Variants in IKZF1 observed in about 807,000 individuals in gnomAD.
The protein encoded by IKZF1 is IKAROS family zinc finger 1.
A neutral mutation model predicts 51.7 loss-of-function variants in IKZF1; 10 were observed. The ratio of observed to expected loss-of-function variants is 0.19; its 90% CI spans 0.12 to 0.33. The LOEUF is 0.33. IKZF1 is among the 10% of genes least tolerant of loss of function. The probability of loss-of-function intolerance (pLI) is 1.00; values close to 1 mark genes in which losing one functional copy is unlikely to be tolerated. For missense variants in IKZF1, 484 were observed against 707.5 expected (o/e 0.68, Z 3.58); for synonymous variants, 280 against 282.3 (o/e 0.99, Z 0.08).
chr7:50,368,724 C>T (rs1232801459), intron 3 of IKZF1: 1 of 254,382 alleles, frequency 3.9e-6, no homozygotes, highest in Non-Finnish European at 7.6e-6. Context: ...CAAATGAGTA[C>T]TTTAAAGAAC....
intron 1 of IKZF1, among the ~76,000 whole-genome samples, chr7:50,315,800 C>G (rs1791406177): frequency 6.6e-6 from 1 of 152,156 alleles, no homozygotes; most frequent in African/African-American, 2.4e-5. Context: ...ATGTGAGCTC[C>G]TTTTAAATTG....
At chr7:50,338,737 G>A (rs1328872615) in intron 3 of IKZF1, among the ~76,000 whole-genome samples, 2 of 152,158 alleles carry the variant, frequency 1.3e-5, no homozygotes, top group East Asian at 3.8e-4. Context: ...GGGGGAGTGG[G>A]CCATGCCAGG....
intron 3 of IKZF1, among the ~76,000 whole-genome samples, chr7:50,339,490 G>A (rs1029149171): frequency 3.3e-5 from 5 of 152,156 alleles, no homozygotes; most frequent in South Asian, 4.1e-4. Context: ...GGTGGCTTAC[G>A]CCGTAATCCC....
rs1794765137 is a variant in IKZF1, at chr7:50,325,630, T to C, written c.41-2008T>C. On this transcript the variant is annotated intron_variant, in intron 2 of 7. Coordinates refer to ENST00000331340, the MANE Select transcript of IKZF1 (RefSeq NM_006060.6). ...CTACTAAAAAAATACAAAAATTTAG[T>C]TGGGCATGGTGGGGGATACCTGTGG... Among the ~76,000 whole-genome samples, 3 of 152,022 alleles carry C rather than the reference T, an allele frequency of 2.0e-5. No homozygotes were observed. In the South Asian group the frequency reaches 6.2e-4, roughly 32 times the overall value.
Position 50,368,823 on chromosome 7 carries a change from C to G in IKZF1, c.161-7710C>G, listed in dbSNP as rs181171246. The stretch of plus-strand genomic sequence containing the variant: ...CTTAGGACCTGTATTAGTAAATCCT[C>G]TAATACTATAAAGCAACATCAGAAA... On this transcript the variant is annotated intron_variant, in intron 3 of 7. Transcript: ENST00000331340. 19 of 224,446 alleles carry G rather than the reference C, an allele frequency of 8.5e-5. No homozygotes were observed. In the Admixed American group the frequency reaches 1.1e-3, roughly 13 times the overall value. The allele number at this position is 224,446 out of a possible 1,614,324, so 13.9% of individuals were successfully genotyped here.
intron 3 of IKZF1, among the ~76,000 whole-genome samples, chr7:50,330,186 A>C (rs1796136943): frequency 6.6e-6 from 1 of 152,154 alleles, no homozygotes; most frequent in African/African-American, 2.4e-5. Context: ...GCCCTTTATC[A>C]TGTTTGACAT....
chr7:50,317,983 G>A (rs1367179553), intron 1 of IKZF1, among the ~76,000 whole-genome samples: 2 of 152,200 alleles, frequency 1.3e-5, no homozygotes, highest in Non-Finnish European at 2.9e-5. Context: ...TCAACAAATA[G>A]ACTGCATTTT....
At chr7:50,312,857 G>C (rs1790536443) in intron 1 of IKZF1, among the ~76,000 whole-genome samples, 1 of 152,208 alleles carries the variant, frequency 6.6e-6, no homozygotes, top group African/African-American at 2.4e-5. Flanking sequence ...GGGGAGGGTG[G>C]TGTGAAAGCC....
rs370645068 is a variant in IKZF1, at chr7:50,402,558, GA to G, written c.*1939del. 6.1e-5 allele frequency: 14 copies of G among 231,366 alleles called. No individual in the cohort carries two copies. Among genetic ancestry groups the G allele is most frequent in the Non-Finnish European group, 9.4e-5 (11 of 117,000 alleles). The allele number at this position is 231,366 out of a possible 1,614,324, so 14.3% of individuals were successfully genotyped here. On this transcript the variant is annotated 3_prime_UTR_variant, in exon 8 of 8. Coordinates refer to ENST00000331340, the MANE Select transcript of IKZF1 (RefSeq NM_006060.6). ...ATCAAATGTCTGGGAAGCCCTCCAA[GA>G]AAAAAAATAGAAAAGCACTTGAAGA...
intron 3 of IKZF1, among the ~76,000 whole-genome samples, chr7:50,370,583 C>G (rs745331001): frequency 9.9e-5 from 15 of 152,162 alleles, no homozygotes; most frequent in Non-Finnish European, 1.8e-4. Flanking sequence ...TAATTTTTCC[C>G]AACTTTAAAT....
intron 3 of IKZF1, among the ~76,000 whole-genome samples, chr7:50,329,592 T>C (rs1423545852): frequency 6.6e-6 from 1 of 152,302 alleles, no homozygotes; most frequent in African/African-American, 2.4e-5. Context: ...ATGATAAAAG[T>C]TTGCAAAAGT....
At chr7:50,319,007 T>G (rs890730774) in intron 1 of IKZF1, 41 bp from the exon 2 acceptor site, 8 of 1,243,158 alleles carry the variant, frequency 6.4e-6, no homozygotes, top group Non-Finnish European at 9.5e-6. Flanking sequence ...ATCTTATTAG[T>G]ATTTTTGCTT....
At chr7:50,399,173 T>G (rs73348174) in intron 7 of IKZF1, among the ~76,000 whole-genome samples, 2,313 of 152,320 alleles carry the variant, frequency 0.015, 71 homozygotes, top group African/African-American at 0.053. Flanking sequence ...ATTTTCCCTG[T>G]AGCTCCCTTG....
intron 3 of IKZF1, among the ~76,000 whole-genome samples, chr7:50,363,769 T>C (rs1805970887): frequency 6.6e-6 from 1 of 152,206 alleles, no homozygotes; most frequent in Admixed American, 6.5e-5. Context: ...TTGGTAGCAC[T>C]TCAGGATCTA....
chr7:50,316,499 T>C (rs997004463), intron 1 of IKZF1, among the ~76,000 whole-genome samples: 7 of 152,240 alleles, frequency 4.6e-5, no homozygotes, highest in African/African-American at 1.7e-4. Context: ...TCTTGCAGAC[T>C]TGGCTGCTGA....
At chr7:50,379,030 A>G (rs1811087989) in intron 4 of IKZF1, among the ~76,000 whole-genome samples, 1 of 152,242 alleles carries the variant, frequency 6.6e-6, no homozygotes, top group Non-Finnish European at 1.5e-5. Context: ...TATGCTTAAA[A>G]CATTTCTAGA....
intron 3 of IKZF1, among the ~76,000 whole-genome samples, chr7:50,335,873 C>A (rs1055149119): frequency 4.6e-5 from 7 of 151,892 alleles, no homozygotes; most frequent in Non-Finnish European, 1.0e-4. Context: ...TCTATTGATT[C>A]CTAGCTGTTG....
At chr7:50,391,377 G>T (rs1220620407) in intron 6 of IKZF1, among the ~76,000 whole-genome samples, 1 of 152,220 alleles carries the variant, frequency 6.6e-6, no homozygotes, top group Non-Finnish European at 1.5e-5. Flanking sequence ...GACTGACTGA[G>T]GTAGCAGATT....
rs75003962 is a variant in IKZF1, at chr7:50,323,047, G to A, written c.40+3946G>A. On this transcript the variant is annotated intron_variant, in intron 2 of 7. Transcript: ENST00000331340. ...CTTTAGATATATATAATCTGCTTAC[G>A]TAAAGAAGGTTTGTATATATTGCAG... 5.3e-3 allele frequency among the ~76,000 whole-genome samples: 804 copies of A among 152,220 alleles called. 3 individuals are homozygous for A. The highest frequency in any genetic ancestry group is 0.016 in the South Asian group (76 of 4,826).
Sources: gnomAD v4.1 joint callset for allele counts (sites outside exome capture counted in the v4.1 genomes callset) on GRCh38, gnomAD v4.1.1 for gene constraint, MANE v1.5 for transcripts, NCBI Gene and HGNC (gene_info 2026-07-23, HGNC 2026-07-21) for gene names.